Variants in ZMYM4 observed in about 807,000 individuals in gnomAD.
The protein encoded by ZMYM4 is zinc finger MYM-type protein 4.
In ZMYM4, 31 loss-of-function variants were observed where a neutral mutation model predicts 183.2. That is an observed-to-expected ratio of 0.17 (90% CI 0.13 to 0.23). The LOEUF is 0.23. Ranked by LOEUF, ZMYM4 falls within the 10% of genes least tolerant of loss-of-function variation. The probability of loss-of-function intolerance (pLI) is 1.00; values close to 1 mark genes in which losing one functional copy is unlikely to be tolerated. For missense variants in ZMYM4, 1,273 were observed against 1,840.3 expected, an observed-to-expected ratio of 0.69 and a Z score of 5.64; for synonymous variants, 592 against 631.2, an observed-to-expected ratio of 0.94 and a Z score of 0.93.
chr1:35,365,645 C>T (rs969525508), intron 5 of ZMYM4, among the ~76,000 whole-genome samples: 2 of 152,046 alleles, frequency 1.3e-5, no homozygotes, highest in African/African-American at 4.8e-5. Flanking sequence ...TTCTAAAATA[C>T]TTTCATGGGA....
chr1:35,355,183 G>A (rs1385240213), intron 2 of ZMYM4, among the ~76,000 whole-genome samples: 2 of 145,790 alleles, frequency 1.4e-5, no homozygotes, highest in South Asian at 2.2e-4. Context: ...ACAGGTGCCC[G>A]TCACCACGCC....
chr1:35,345,859 C>T (rs984704630), intron 2 of ZMYM4, among the ~76,000 whole-genome samples: 3 of 152,208 alleles, frequency 2.0e-5, no homozygotes, highest in Admixed American at 2.0e-4. Flanking sequence ...GTAGCATTAA[C>T]TGTTTACATT....
intron 20 of ZMYM4, among the ~76,000 whole-genome samples, chr1:35,398,024 T>G (rs1644839772): frequency 5.3e-5 from 8 of 152,216 alleles, no homozygotes. Flanking sequence ...TTGTGCTCAG[T>G]GCATTGTGTG....
rs1465156190 is a variant in ZMYM4, at chr1:35,420,276, G to A, written c.*599G>A. On this transcript the variant is annotated 3_prime_UTR_variant, in exon 30 of 30. Transcript: ENST00000314607. ...CTTTTGCCATGGGCCCCTCACATCA[G>A]GGAAAATGACCTTCACTGCTGTTAA... The A allele has an allele frequency of 1.3e-5, 2 of 155,782 alleles. No homozygotes were observed. Among genetic ancestry groups the A allele is most frequent in the East Asian group, 3.8e-4 (2 of 5,278 alleles). 9.6% of individuals were successfully genotyped at this position (155,782 alleles called of 1,614,324 possible). A position where few individuals can be genotyped will look rare whatever the true frequency, so the allele number is the denominator to read the frequency against.
chr1:35,418,690 T>C (rs1640218399), intron 29 of ZMYM4, 118 bp downstream of exon 29: 13 of 1,325,290 alleles, frequency 9.8e-6, no homozygotes, highest in Non-Finnish European at 1.3e-5. Context: ...GGATTTACCA[T>C]GAATTTTTTC....
chr1:35,345,468 T>TA (rs1286940830), intron 2 of ZMYM4, among the ~76,000 whole-genome samples: 1 of 151,634 alleles, frequency 6.6e-6, no homozygotes, highest in Admixed American at 6.6e-5. Flanking sequence ...TTTTTTTTTT[T>TA]AAAGACAGGT....
intron 15 of ZMYM4, among the ~76,000 whole-genome samples, chr1:35,391,769 A>G (rs1001810807): frequency 1.3e-5 from 2 of 152,218 alleles, no homozygotes; most frequent in African/African-American, 4.8e-5. Context: ...AAACCAGGGT[A>G]TGGTGGCTCA....
chr1:35,309,140 A>C (rs1010219839), intron 1 of ZMYM4: 1 of 713,978 alleles, frequency 1.4e-6, no homozygotes, highest in African/African-American at 1.9e-5. Context: ...GAGAAATGAA[A>C]CAAGATGACT....
chr1:35,385,385 A>G (rs1644554743), intron 9 of ZMYM4, 57 bp from the exon 10 acceptor site: 1 of 1,536,008 alleles, frequency 6.5e-7, no homozygotes, highest in African/African-American at 1.4e-5. Context: ...CATTTCGAAG[A>G]ATTATGCTTT....
intron 1 of ZMYM4, among the ~76,000 whole-genome samples, chr1:35,303,305 AAAAG>A (rs1291957990): frequency 0.013 from 675 of 53,866 alleles, 5 homozygotes; most frequent in Non-Finnish European, 0.097. Context: ...AAAAAAAAAG[AAAAG>A]AAAAAAAATT....
chr1:35,381,522 G>C (rs1282149506), intron 8 of ZMYM4, 24 bp from the exon 9 acceptor site: 1 of 1,613,670 alleles, frequency 6.2e-7, no homozygotes, highest in Non-Finnish European at 8.5e-7. Context: ...CCTTGTTTTT[G>C]TGTTGCTGTT....
At chr1:35,386,938 G>T (rs1453734750) in intron 11 of ZMYM4, 65 bp from the exon 12 acceptor site, 19 of 1,520,170 alleles carry the variant, frequency 1.2e-5, no homozygotes, top group Non-Finnish European at 1.5e-5. Flanking sequence ...GCATATGTAG[G>T]CACACAATAC....
chr1:35,370,336 C>CA, intron 6 of ZMYM4, 36 bp from the exon 7 acceptor site: 2 of 659,632 alleles, frequency 3.0e-6, no homozygotes, highest in Non-Finnish European at 4.4e-6. Context: ...TTTTTTCTTT[C>CA]AATTTTTTTT....
intron 18 of ZMYM4, among the ~76,000 whole-genome samples, chr1:35,394,168 T>TTTTTTTTA (rs1644764356): frequency 8.6e-6 from 1 of 116,304 alleles, no homozygotes; most frequent in Admixed American, 9.2e-5. Context: ...CTTTCTTTTT[T>TTTTTTTTA]TTTTTTTTTT....
chr1:35,316,780 C>T (rs1419861347), intron 1 of ZMYM4, among the ~76,000 whole-genome samples: 1 of 152,168 alleles, frequency 6.6e-6, no homozygotes, highest in Non-Finnish European at 1.5e-5. Flanking sequence ...TGGTGACAGG[C>T]AAGTGAAGAT....
intron 15 of ZMYM4, 116 bp downstream of exon 15, chr1:35,390,214 C>T: frequency 8.5e-7 from 1 of 1,173,388 alleles, no homozygotes; most frequent in Non-Finnish European, 1.2e-6. Flanking sequence ...ACCTCAGTTT[C>T]CTTGTATTCT....
chr1:35,356,059 G>A (rs1643808581), intron 2 of ZMYM4, among the ~76,000 whole-genome samples: 3 of 152,026 alleles, frequency 2.0e-5, no homozygotes, highest in Non-Finnish European at 4.4e-5. Flanking sequence ...AAAATACAAA[G>A]ATTAGCCAGA....
intron 2 of ZMYM4, among the ~76,000 whole-genome samples, chr1:35,352,265 GCGCGCACACACACACACACACACACACA>G (rs1276489793): frequency 2.3e-5 from 2 of 85,424 alleles, no homozygotes; most frequent in Admixed American, 2.2e-4. Context: ...GCGCACGCGC[GCGCGCACACACACACACACACACACACA>G]CACACACACA....
chr1:35,270,239 G>T (rs865986585), intron 1 of ZMYM4, among the ~76,000 whole-genome samples: 30 of 152,292 alleles, frequency 2.0e-4, no homozygotes, highest in Middle Eastern at 6.8e-3. Flanking sequence ...GTTGAGGTAG[G>T]ATTTGAATCC....
Sources: gnomAD v4.1 joint callset for allele counts (sites outside exome capture counted in the v4.1 genomes callset) on GRCh38, gnomAD v4.1.1 for gene constraint, MANE v1.5 for transcripts, NCBI Gene and HGNC (gene_info 2026-07-23, HGNC 2026-07-21) for gene names.